SMARCC1: variants seen among roughly 807,000 people sequenced by gnomAD.
SMARCC1 encodes SWI/SNF related BAF chromatin remodeling complex subunit C1.
In SMARCC1, 43 loss-of-function variants were observed where a neutral mutation model predicts 147.4. The observed-to-expected ratio is 0.29, with a 90% CI of 0.23 to 0.38. SMARCC1 has a LOEUF of 0.38. Ranked by LOEUF, SMARCC1 falls within the 10% of genes least tolerant of loss-of-function variation. The probability of loss-of-function intolerance (pLI) is 1.00; values close to 1 mark genes in which losing one functional copy is unlikely to be tolerated. For synonymous variants in SMARCC1, 495 were observed against 484.4 expected (o/e 1.02, Z -0.29); for missense variants, 1,119 against 1,381.1 (o/e 0.81, Z 3.01).
intron 25 of SMARCC1, among the ~76,000 whole-genome samples, chr3:47,618,996 T>C (rs771297356): frequency 6.6e-6 from 1 of 152,200 alleles, no homozygotes; most frequent in Non-Finnish European, 1.5e-5. Flanking sequence ...CACTATATTA[T>C]AGCCCCCTAT....
intron 26 of SMARCC1, chr3:47,604,340 C>T (rs569757854): frequency 5.7e-4 from 261 of 453,980 alleles, no homozygotes; most frequent in South Asian, 4.0e-3. Context: ...ACTTCCCCAA[C>T]CTTACTGGCA....
At chr3:47,685,022 A>C (rs2033702856) in intron 14 of SMARCC1, among the ~76,000 whole-genome samples, 1 of 152,226 alleles carries the variant, frequency 6.6e-6, no homozygotes, top group South Asian at 2.1e-4. Flanking sequence ...CTCAGCACAC[A>C]ATTCTTTTTA....
In SMARCC1 at chr3:47,589,842, T is replaced by C. The variant is rs116362079; in HGVS notation, c.3220+819A>G. ...AACTAAAGCTCCTACAGAGCAAGAATTCTTATGCTTCCTATCTCTCTGAAC... is the reference window on the plus strand; with the variant it reads ...AACTAAAGCTCCTACAGAGCAAGAACTCTTATGCTTCCTATCTCTCTGAAC... On this transcript the variant is annotated intron_variant, in intron 27 of 27. Coordinates refer to ENST00000254480, the MANE Select transcript of SMARCC1 (RefSeq NM_003074.4). 1.8e-3 allele frequency among the ~76,000 whole-genome samples: 279 copies of C among 152,360 alleles called. 2 individuals are homozygous for C. Among genetic ancestry groups the C allele is most frequent in the Middle Eastern group, 6.8e-3 (2 of 294 alleles).
chr3:47,700,461 C>T (rs558775681), intron 11 of SMARCC1, among the ~76,000 whole-genome samples: 1 of 152,250 alleles, frequency 6.6e-6, no homozygotes, highest in Admixed American at 6.5e-5. Flanking sequence ...AGGACACAAA[C>T]ATTTAATGGT....
At chr3:47,596,618 G>A (rs779766876) in intron 26 of SMARCC1, among the ~76,000 whole-genome samples, 12 of 151,854 alleles carry the variant, frequency 7.9e-5, no homozygotes, top group Non-Finnish European at 1.5e-4. Flanking sequence ...AAAAAAGATG[G>A]GGTCTTGCTA....
In SMARCC1 at chr3:47,665,096, G is replaced by C. The variant is rs546298946; in HGVS notation, c.1900-2504C>G. On this transcript the variant is annotated intron_variant, in intron 19 of 27. Transcript: ENST00000254480. ...AATCCTCCCGCCTCAGCCTCCCAAA[G>C]TGCTGAGATTACAGGTGTGAAACAC... 5.3e-5 allele frequency among the ~76,000 whole-genome samples: 8 copies of C among 152,214 alleles called. No homozygotes were observed. In the East Asian group the frequency reaches 1.3e-3, roughly 26 times the overall value.
chr3:47,621,596 A>T (rs2032732640), intron 25 of SMARCC1, among the ~76,000 whole-genome samples: 1 of 152,198 alleles, frequency 6.6e-6, no homozygotes, highest in African/African-American at 2.4e-5. Flanking sequence ...AGTGGGAGCT[A>T]AACACTGTGT....
chr3:47,615,419 T>C (rs114097005), intron 25 of SMARCC1, among the ~76,000 whole-genome samples: 330 of 152,326 alleles, frequency 2.2e-3, no homozygotes, highest in African/African-American at 7.7e-3. Flanking sequence ...TAAGCAATCA[T>C]TCTTTTCATA....
chr3:47,642,923 G>A (rs1423877527), intron 21 of SMARCC1, among the ~76,000 whole-genome samples: 1 of 152,162 alleles, frequency 6.6e-6, no homozygotes, highest in East Asian at 1.9e-4. Context: ...AGCCATGCAT[G>A]ATGGTGCACG....
At chr3:47,756,517 G>A (rs1314046286) in intron 2 of SMARCC1, among the ~76,000 whole-genome samples, 15 of 105,690 alleles carry the variant, frequency 1.4e-4, no homozygotes, top group African/African-American at 4.9e-4. Context: ...TGGGCAACAA[G>A]AGCGAAACTC....
intron 26 of SMARCC1, chr3:47,603,795 C>A: frequency 6.2e-6 from 2 of 322,308 alleles, no homozygotes; most frequent in Non-Finnish European, 1.2e-5. Context: ...TGGGGCCAAC[C>A]TCAGTTTCCA....
intron 21 of SMARCC1, among the ~76,000 whole-genome samples, chr3:47,644,710 G>T (rs1343201273): frequency 2.6e-5 from 4 of 152,030 alleles, no homozygotes; most frequent in African/African-American, 9.7e-5. Context: ...GTTTCACCAG[G>T]TTGGCCAGGC....
chr3:47,653,996 C>A (rs1401874750), intron 21 of SMARCC1, among the ~76,000 whole-genome samples: 2 of 152,274 alleles, frequency 1.3e-5, no homozygotes, highest in Non-Finnish European at 1.5e-5. Flanking sequence ...CCAAAGAAAC[C>A]AAGGTTGCTA....
Position 47,746,011 on chromosome 3 carries a change from T to C in SMARCC1, c.316-18A>G. The C allele has an allele frequency of 6.7e-7, 1 of 1,500,372 alleles. No individual in the cohort carries two copies. Among genetic ancestry groups the C allele is most frequent in the South Asian group, 1.3e-5 (1 of 77,708 alleles). 92.9% of individuals were successfully genotyped at this position (1,500,372 alleles called of 1,614,324 possible). A position where few individuals can be genotyped will look rare whatever the true frequency, so the allele number is the denominator to read the frequency against. On this transcript the variant is annotated intron_variant, in intron 2 of 27. Transcript: ENST00000254480. ...CACTTTGCCTAAAAATGATACAAAT[T>C]ACACATGAGAAAAATAAAGCTTCTG...
chr3:47,758,920 G>A (rs1403164564), intron 2 of SMARCC1, among the ~76,000 whole-genome samples: 1 of 151,958 alleles, frequency 6.6e-6, no homozygotes, highest in Non-Finnish European at 1.5e-5. Context: ...AGGAGGCTGA[G>A]GCAGGAGAAT....
intron 5 of SMARCC1, among the ~76,000 whole-genome samples, chr3:47,730,224 A>G (rs532740428): frequency 6.6e-6 from 1 of 152,312 alleles, no homozygotes; most frequent in Admixed American, 6.5e-5. Context: ...GCAGCTGCTC[A>G]CACCTGTAAT....
At chr3:47,688,419 T>C (rs549577148) in intron 13 of SMARCC1, among the ~76,000 whole-genome samples, 60 of 151,406 alleles carry the variant, frequency 4.0e-4, no homozygotes, top group African/African-American at 1.4e-3. Context: ...CTTGAATGTA[T>C]ACAACAATGA....
intron 11 of SMARCC1, among the ~76,000 whole-genome samples, chr3:47,695,514 C>T (rs1044897765): frequency 6.6e-6 from 1 of 152,026 alleles, no homozygotes; most frequent in Admixed American, 6.6e-5. Flanking sequence ...TGCTTGTAAT[C>T]GCAGAACTTT....
intron 2 of SMARCC1, among the ~76,000 whole-genome samples, chr3:47,766,783 TTTAGCC>T (rs1163008731): frequency 6.6e-6 from 1 of 152,182 alleles, no homozygotes; most frequent in Admixed American, 6.6e-5. Context: ...GCAATATACC[TTTAGCC>T]TTAGCCTTAT....
Sources: allele counts gnomAD v4.1 joint callset (sites outside exome capture counted in the v4.1 genomes callset), GRCh38; gene constraint gnomAD v4.1.1; transcripts MANE v1.5; gene names NCBI Gene and HGNC (gene_info 2026-07-23, HGNC 2026-07-21).